Variants in CHRM2 observed in about 807,000 individuals in gnomAD.
The protein encoded by CHRM2 is muscarinic acetylcholine receptor M2.
Under a neutral mutation model 25.0 loss-of-function variants are expected in CHRM2, and 8 were observed. The ratio of observed to expected loss-of-function variants is 0.32; its 90% confidence interval spans 0.19 to 0.58. The LOEUF (loss-of-function observed/expected upper bound fraction) is 0.58. Ranked by LOEUF, CHRM2 falls within the 20% of genes least tolerant of loss-of-function variation. The pLI is 0.88. For synonymous variants in CHRM2, 202 were observed against 205.7 expected (o/e 0.98, Z 0.15); for missense variants, 440 against 567.1 (o/e 0.78, Z 2.28).
At chr7:136,881,841 C>T (rs964716188) in intron 2 of CHRM2, among the ~76,000 whole-genome samples, 3 of 151,996 alleles carry the variant, frequency 2.0e-5, no homozygotes, top group Non-Finnish European at 4.4e-5. Flanking sequence ...AAAAATATCA[C>T]AGGGCTGTTT....
chr7:137,000,547 A>AAGGAAGGAAAGAAGGAAG (rs1554434051), intron 3 of CHRM2, among the ~76,000 whole-genome samples: 28 of 95,212 alleles, frequency 2.9e-4, no homozygotes, highest in African/African-American at 9.0e-4. Context: ...AAAGAAAGAA[A>AAGGAAGGAAAGAAGGAAG]GAAGGAAGGA....
chr7:136,882,110 T>A (rs1201027623), intron 2 of CHRM2, among the ~76,000 whole-genome samples: 1 of 152,066 alleles, frequency 6.6e-6, no homozygotes, highest in East Asian at 1.9e-4. Context: ...TTCTCTATCC[T>A]CTGCCTTTAG....
intron 2 of CHRM2, among the ~76,000 whole-genome samples, chr7:136,984,288 C>G (rs1802690866): frequency 6.6e-6 from 1 of 152,146 alleles, no homozygotes; most frequent in African/African-American, 2.4e-5. Flanking sequence ...ATGCCCCTCC[C>G]CCCACCAAGC....
At chr7:136,969,843 C>G (rs1449902318) in intron 2 of CHRM2, among the ~76,000 whole-genome samples, 1 of 152,142 alleles carries the variant, frequency 6.6e-6, no homozygotes, top group Non-Finnish European at 1.5e-5. Flanking sequence ...GATTAGTCAG[C>G]TGGGACTGCC....
At chr7:136,894,206 A>G (rs1796801407) in intron 2 of CHRM2, among the ~76,000 whole-genome samples, 1 of 152,180 alleles carries the variant, frequency 6.6e-6, no homozygotes, top group Non-Finnish European at 1.5e-5. Flanking sequence ...GTCCTCTCAG[A>G]CCACTCTATG....
At chr7:136,962,974 T>C (rs1243761246) in intron 2 of CHRM2, among the ~76,000 whole-genome samples, 3 of 152,188 alleles carry the variant, frequency 2.0e-5, no homozygotes, top group Non-Finnish European at 4.4e-5. Context: ...TAATTGAAAT[T>C]GCAATAAAGG....
intron 2 of CHRM2, among the ~76,000 whole-genome samples, chr7:136,903,972 A>G (rs1797385095): frequency 6.6e-6 from 1 of 151,938 alleles, no homozygotes; most frequent in African/African-American, 2.4e-5. Flanking sequence ...TCCTGATACT[A>G]ATACATTTCT....
intron 2 of CHRM2, among the ~76,000 whole-genome samples, chr7:136,921,637 C>T (rs1003333104): frequency 6.6e-6 from 1 of 152,082 alleles, no homozygotes; most frequent in Non-Finnish European, 1.5e-5. Context: ...TATTACTTCA[C>T]ATTACTTTCC....
chr7:137,004,524 A>G (rs1052026587), intron 3 of CHRM2, among the ~76,000 whole-genome samples: 3 of 152,072 alleles, frequency 2.0e-5, no homozygotes, highest in African/African-American at 7.2e-5. Context: ...GTGTTGGAAG[A>G]GGGAAGGGGC....
chr7:136,998,013 C>G (rs1438413584), intron 3 of CHRM2, among the ~76,000 whole-genome samples: 7 of 152,142 alleles, frequency 4.6e-5, no homozygotes, highest in African/African-American at 1.7e-4. Flanking sequence ...AAGGACAAAC[C>G]TTTGCTATGA....
intron 2 of CHRM2, among the ~76,000 whole-genome samples, chr7:136,965,922 G>C (rs1328042304): frequency 6.6e-6 from 1 of 151,936 alleles, no homozygotes; most frequent in African/African-American, 2.4e-5. Context: ...CCAAGAGTGT[G>C]GCAGAAATAA....
chr7:137,013,874 A>G (rs1445542001), intron 3 of CHRM2, among the ~76,000 whole-genome samples: 2 of 152,068 alleles, frequency 1.3e-5, no homozygotes, highest in South Asian at 2.1e-4. Context: ...GCACAAAGTG[A>G]AAGAATGAAT....
chr7:137,000,596 A>AG (rs1554434119), intron 3 of CHRM2, among the ~76,000 whole-genome samples: 1 of 62,540 alleles, frequency 1.6e-5, no homozygotes, highest in Non-Finnish European at 3.8e-5. Context: ...AGGAAGGGAA[A>AG]AAAAGCAAGT....
chr7:136,904,109 T>C (rs1043936993), intron 2 of CHRM2, among the ~76,000 whole-genome samples: 13 of 151,930 alleles, frequency 8.6e-5, no homozygotes, highest in African/African-American at 3.1e-4. Context: ...AAAGTTTGTT[T>C]TTTTAATTTT....
intron 2 of CHRM2, among the ~76,000 whole-genome samples, chr7:136,991,417 T>A (rs894647801): frequency 6.6e-6 from 1 of 152,130 alleles, no homozygotes; most frequent in Non-Finnish European, 1.5e-5. Context: ...TTGCCTATGC[T>A]CCTTTGTCAA....
chr7:137,013,292 G>T (rs187980569), intron 3 of CHRM2, among the ~76,000 whole-genome samples: 27 of 151,792 alleles, frequency 1.8e-4, no homozygotes, highest in Non-Finnish European at 3.7e-4. Context: ...CCATTATTTG[G>T]GTTTTGTCAA....
At chr7:136,888,460 G>C (rs1231893548) in intron 2 of CHRM2, among the ~76,000 whole-genome samples, 2 of 152,202 alleles carry the variant, frequency 1.3e-5, no homozygotes, top group East Asian at 3.9e-4. Context: ...TATTTTAGCA[G>C]GTTTTCAGAA....
chr7:136,889,815 G>GT (rs982709865), intron 2 of CHRM2, among the ~76,000 whole-genome samples: 3 of 152,074 alleles, frequency 2.0e-5, no homozygotes, highest in Non-Finnish European at 2.9e-5. Flanking sequence ...CGGGAATGTT[G>GT]TTTTTTTCTC....
rs28529003 is a variant in CHRM2 at position 136,950,804 on chromosome 7, T to A, written c.-124-41383T>A. Among the ~76,000 whole-genome samples, 97,905 of 150,922 alleles carry A rather than the reference T, an allele frequency of 0.65. 32,133 individuals are homozygous for A. Among genetic ancestry groups the A allele is most frequent in the African/African-American group, 0.72 (29,281 of 40,832 alleles). ...CAACCTGTTGTTGTTGTTGTTGTTG[T>A]TGTTGTTGTTGTTGTTGTTGTTGTT... On this transcript the variant is annotated intron_variant, in intron 2 of 3. Transcript: ENST00000680005.
Sources: allele counts gnomAD v4.1 joint callset (sites outside exome capture counted in the v4.1 genomes callset), GRCh38; gene constraint gnomAD v4.1.1; transcripts MANE v1.5; gene names NCBI Gene and HGNC (gene_info 2026-07-23, HGNC 2026-07-21).